Variants in MAP2K2 observed in about 807,000 individuals in gnomAD.
MAP2K2 encodes the protein dual specificity mitogen-activated protein kinase kinase 2.
A neutral mutation model predicts 43.7 loss-of-function variants in MAP2K2; 24 were observed. The observed-to-expected ratio is 0.55, with a 90% CI of 0.40 to 0.77. The LOEUF (loss-of-function observed/expected upper bound fraction) is 0.77, where lower values mean the gene tolerates loss of function less well. Among genes scored for constraint, MAP2K2 ranks in the 30% least tolerant of loss-of-function variants. The probability of loss-of-function intolerance (pLI) is 0.00; values close to 1 mark genes in which losing one functional copy is unlikely to be tolerated. For synonymous variants in MAP2K2, 244 were observed against 239.7 expected (o/e 1.02, Z -0.17); for missense variants, 470 against 566.8 (o/e 0.83, Z 1.73).
At chr19:4,095,181 G>T (rs2040899271) in intron 9 of MAP2K2, 1 of 568,052 alleles carries the variant, frequency 1.8e-6, no homozygotes, top group Non-Finnish European at 3.2e-6. Flanking sequence ...TTCACCCCTG[G>T]GCTCACGGAC....
chr19:4,090,589 CG>C lies in MAP2K2; in HGVS notation c.*8del, dbSNP rs1568247649. Reference sequence around the variant, plus strand: ...GGTCACCAGCGGGACGCAGGGAGCCCGGCCACTGTCACACGGCGGTGCGCGT... The same window carrying C: ...GGTCACCAGCGGGACGCAGGGAGCCCGCCACTGTCACACGGCGGTGCGCGT... On this transcript the variant is annotated 3_prime_UTR_variant, in exon 11 of 11. Transcript: ENST00000262948. 6.5e-7 allele frequency: 1 copy of C among 1,548,248 alleles called. No individual in the cohort carries two copies. The highest frequency in any genetic ancestry group is 1.4e-5 in the African/African-American group (1 of 73,132).
At chr19:4,103,380 T>G (rs1350091166) in intron 3 of MAP2K2, 2 of 477,902 alleles carry the variant, frequency 4.2e-6, no homozygotes, top group Non-Finnish European at 5.5e-6. Flanking sequence ...CCACCCAAGG[T>G]GCCTCTTCAG....
intron 6 of MAP2K2, chr19:4,099,643 C>T: frequency 3.4e-6 from 2 of 587,204 alleles, no homozygotes; most frequent in Non-Finnish European, 6.1e-6. Context: ...TTGACCGCAG[C>T]TCTTGAAGAG....
rs553215991 is a variant in MAP2K2, at chr19:4,101,185, C to A, written c.581-42G>T. 1 of 1,597,678 alleles carries A rather than the reference C, an allele frequency of 6.3e-7. No homozygotes were observed. Among genetic ancestry groups the A allele is most frequent in the South Asian group, 1.1e-5 (1 of 88,398 alleles). ...GCGGGTGAGGGGCGCCCAACAGTTG[C>A]CTGCCGGCCCCCGGGGCTCTGGGGA... On this transcript the variant is annotated intron_variant, in intron 5 of 10. Coordinates refer to ENST00000262948, the MANE Select transcript of MAP2K2 (RefSeq NM_030662.4). This position sits in a 1 kb window ranked among gnomAD's most constrained non-coding sequence, Gnocchi z 6.3.
At chr19:4,111,993 C>A (rs368538500) in intron 2 of MAP2K2, among the ~76,000 whole-genome samples, 7,326 of 149,530 alleles carry the variant, frequency 0.049, 613 homozygotes, top group African/African-American at 0.17. Context: ...ACAACAACAA[C>A]AACAAAAACA....
chr19:4,114,724 G>A lies in MAP2K2; in HGVS notation c.303+2695C>T, dbSNP rs536793637. ...AGCAATCTGGGAGGCCAAGATGCAT[G>A]GATTCCTTGAGGTCAGATGTTTGAG... On this transcript the variant is annotated intron_variant, in intron 2 of 10. Transcript: ENST00000262948. Among the ~76,000 whole-genome samples, 7 of 152,280 alleles carry A rather than the reference G, an allele frequency of 4.6e-5. No individual in the cohort carries two copies. The South Asian group carries it at 1.5e-3, about 32-fold the overall frequency.
intron 6 of MAP2K2, chr19:4,099,866 C>T (rs1232549846): frequency 9.1e-6 from 2 of 220,128 alleles, no homozygotes; most frequent in African/African-American, 4.6e-5. Context: ...AATCCCAGCA[C>T]TTTGGGAGGT....
intron 1 of MAP2K2, among the ~76,000 whole-genome samples, chr19:4,118,427 G>C (rs922785639): frequency 3.9e-5 from 6 of 152,128 alleles, no homozygotes; most frequent in African/African-American, 1.2e-4. Flanking sequence ...CACAAAAGCT[G>C]CATCAGGTAG....
intron 8 of MAP2K2, 64 bp downstream of exon 8, chr19:4,097,215 A>G (rs992094499): frequency 1.6e-5 from 19 of 1,173,776 alleles, no homozygotes; most frequent in Non-Finnish European, 2.3e-5. Context: ...TAAAAAAAAA[A>G]AAAAAAAAAA....
At chr19:4,098,742 C>G (rs966415387) in intron 7 of MAP2K2, among the ~76,000 whole-genome samples, 1 of 152,216 alleles carries the variant, frequency 6.6e-6, no homozygotes, top group Non-Finnish European at 1.5e-5. Flanking sequence ...GTGTTGGGGC[C>G]GGAGCCAACA....
At chr19:4,118,789 T>C (rs1177586986) in intron 1 of MAP2K2, among the ~76,000 whole-genome samples, 1 of 152,108 alleles carries the variant, frequency 6.6e-6, no homozygotes, top group Non-Finnish European at 1.5e-5. Context: ...TTCTACACAA[T>C]AAAAAATTTC....
At position 4,094,507 on chromosome 19, in the gene MAP2K2, T is replaced by A; in HGVS notation, c.1047-9A>T. On this transcript the variant is annotated splice_polypyrimidine_tract_variant and intron_variant, in intron 9 of 10. Coordinates refer to ENST00000262948, the MANE Select transcript of MAP2K2 (RefSeq NM_030662.4). ...CTGGGTTCTTGATGAGGCTGGGGGTTCCAAGAGGCAGGACCGGGAGGCGGT... is the reference window on the plus strand; with the variant it reads ...CTGGGTTCTTGATGAGGCTGGGGGTACCAAGAGGCAGGACCGGGAGGCGGT... 6.4e-7 allele frequency: 1 copy of A among 1,567,618 alleles called. No homozygotes were observed. Among genetic ancestry groups the A allele is most frequent in the Non-Finnish European group, 8.7e-7 (1 of 1,155,568 alleles).
intron 3 of MAP2K2, among the ~76,000 whole-genome samples, chr19:4,108,542 CT>C (rs2041116600): frequency 6.6e-6 from 1 of 152,064 alleles, no homozygotes; most frequent in Non-Finnish European, 1.5e-5. Flanking sequence ...GCCACCGCCC[CT>C]GGCTAGACCA....
intron 3 of MAP2K2, chr19:4,104,625 A>G (rs2041060535): frequency 6.6e-6 from 1 of 152,264 alleles, no homozygotes; most frequent in Admixed American, 6.5e-5. Flanking sequence ...AGACGCACCA[A>G]ACGCAACCCT....
chr19:4,107,225 A>C (rs543357865), intron 3 of MAP2K2, among the ~76,000 whole-genome samples: 1 of 151,650 alleles, frequency 6.6e-6, no homozygotes, highest in African/African-American at 2.4e-5. Flanking sequence ...GTGCCATCCC[A>C]TATCTACAAA....
At chr19:4,091,035 C>A (rs563257553) in intron 10 of MAP2K2, among the ~76,000 whole-genome samples, 5 of 152,182 alleles carry the variant, frequency 3.3e-5, no homozygotes, top group Non-Finnish European at 5.9e-5. Context: ...GACACCGGGG[C>A]CGGATCATTC....
chr19:4,110,453 C>T (rs2041139059), intron 3 of MAP2K2, 56 bp downstream of exon 3: 1 of 1,604,688 alleles, frequency 6.2e-7, no homozygotes, highest in East Asian at 2.2e-5. Context: ...TCCTTCTCCC[C>T]AACATGCTCT....
At chr19:4,091,207 A>C (rs1397592041) in intron 10 of MAP2K2, among the ~76,000 whole-genome samples, 1 of 152,218 alleles carries the variant, frequency 6.6e-6, no homozygotes, top group Non-Finnish European at 1.5e-5. Flanking sequence ...GGGCTGTTCC[A>C]CAGAACTCCG....
intron 1 of MAP2K2, among the ~76,000 whole-genome samples, chr19:4,121,880 A>T (rs1555699157): frequency 5.4e-4 from 18 of 33,580 alleles, no homozygotes; most frequent in East Asian, 2.1e-3. Flanking sequence ...CCCCATCGTG[A>T]CCCCCTAGGA....
Sources: allele counts gnomAD v4.1 joint callset (sites outside exome capture counted in the v4.1 genomes callset), GRCh38; gene constraint gnomAD v4.1.1; non-coding constraint Gnocchi (gnomAD v3.1); transcripts MANE v1.5; gene names NCBI Gene and HGNC (gene_info 2026-07-23, HGNC 2026-07-21).